Variants in RAI14 observed in about 807,000 individuals in gnomAD.
RAI14 encodes ankycorbin.
A neutral mutation model predicts 115.4 loss-of-function variants in RAI14; 45 were observed. The ratio of observed to expected loss-of-function variants is 0.39; its 90% CI spans 0.31 to 0.50. The LOEUF is 0.50. Ranked by LOEUF, RAI14 falls within the 20% of genes least tolerant of loss-of-function variation. The pLI, the probability that RAI14 is intolerant of heterozygous loss-of-function variation, is 0.85. For synonymous variants in RAI14, 371 were observed against 415.4 expected (o/e 0.89, Z 1.30); for missense variants, 939 against 1,131.2 (o/e 0.83, Z 2.44).
At chr5:34,749,497 G>T (rs577626331) in intron 2 of RAI14, among the ~76,000 whole-genome samples, 1 of 152,218 alleles carries the variant, frequency 6.6e-6, no homozygotes, top group Admixed American at 6.5e-5. Flanking sequence ...CTGGCCAAGG[G>T]CAGACACTGC....
chr5:34,758,041 C>T (rs1748125989), intron 3 of RAI14, among the ~76,000 whole-genome samples: 1 of 152,172 alleles, frequency 6.6e-6, no homozygotes. Flanking sequence ...TAGTACTCTT[C>T]CTTGCCATAA....
At position 34,772,751 on chromosome 5, in the gene RAI14, C is replaced by T. The variant is rs926925862; in HGVS notation, c.167+15153C>T. Among the ~76,000 whole-genome samples, 4 of 152,116 alleles carry T rather than the reference C, an allele frequency of 2.6e-5. No individual in the cohort carries two copies. The East Asian group carries it at 7.7e-4, about 29-fold the overall frequency. On this transcript the variant is annotated intron_variant, in intron 3 of 17. Coordinates refer to ENST00000265109, the MANE Select transcript of RAI14 (RefSeq NM_015577.3). ...GTCCCTCCATCATTCATTCAGGCTG[C>T]CACCCGGCTGCTATTTGAGGCTGCT...
chr5:34,814,357 A>G (rs1057411634), intron 11 of RAI14, among the ~76,000 whole-genome samples: 5 of 152,344 alleles, frequency 3.3e-5, no homozygotes, highest in East Asian at 1.9e-4. Context: ...GATTTTTAAA[A>G]AAGTGATTCT....
intron 1 of RAI14, among the ~76,000 whole-genome samples, chr5:34,673,403 G>A (rs2149858873): frequency 6.6e-6 from 1 of 152,322 alleles, no homozygotes; most frequent in South Asian, 2.1e-4. Flanking sequence ...ATTCAAAGGG[G>A]ACATTGTAGG....
At chr5:34,759,946 G>A (rs935970550) in intron 3 of RAI14, among the ~76,000 whole-genome samples, 3 of 152,120 alleles carry the variant, frequency 2.0e-5, no homozygotes, top group Non-Finnish European at 4.4e-5. Context: ...TACCCTGCTC[G>A]TCCTAGATTA....
chr5:34,724,079 C>T (rs1306178761), intron 2 of RAI14, among the ~76,000 whole-genome samples: 1 of 152,172 alleles, frequency 6.6e-6, no homozygotes, highest in Admixed American at 6.5e-5. Flanking sequence ...TGCGGTGGCG[C>T]AATCTCGGCT....
At chr5:34,765,170 C>A (rs1475754019) in intron 3 of RAI14, among the ~76,000 whole-genome samples, 1 of 152,134 alleles carries the variant, frequency 6.6e-6, no homozygotes, top group African/African-American at 2.4e-5. Context: ...TCAGATATGT[C>A]TTTATCAGCA....
At chr5:34,753,784 T>A (rs752080092) in intron 2 of RAI14, among the ~76,000 whole-genome samples, 3 of 151,936 alleles carry the variant, frequency 2.0e-5, no homozygotes, top group Non-Finnish European at 4.4e-5. Flanking sequence ...CGTGGTGGCA[T>A]GTGCCTGTAG....
intron 1 of RAI14, chr5:34,659,161 T>C (rs1742504958): frequency 6.6e-6 from 1 of 152,240 alleles, no homozygotes; most frequent in South Asian, 2.1e-4. Flanking sequence ...TTGAGATACA[T>C]GTGTTAATAG....
At chr5:34,742,770 T>G (rs569540703) in intron 2 of RAI14, among the ~76,000 whole-genome samples, 1 of 152,254 alleles carries the variant, frequency 6.6e-6, no homozygotes, top group South Asian at 2.1e-4. Flanking sequence ...TTCAAGTGAT[T>G]CTCTTGCCTC....
chr5:34,706,311 C>T (rs1378006802), intron 2 of RAI14, among the ~76,000 whole-genome samples: 1 of 152,110 alleles, frequency 6.6e-6, no homozygotes, highest in Non-Finnish European at 1.5e-5. Context: ...GCAGCCTTGG[C>T]TTTGTGTGAC....
At chr5:34,717,873 A>ACATTCCTC (rs1264119965) in intron 2 of RAI14, among the ~76,000 whole-genome samples, 1 of 128,664 alleles carries the variant, frequency 7.8e-6, no homozygotes, top group African/African-American at 3.1e-5. Flanking sequence ...AACTTGCTCT[A>ACATTCCTC]CATTCCTCAT....
intron 2 of RAI14, among the ~76,000 whole-genome samples, chr5:34,697,615 A>C (rs1314530339): frequency 6.6e-6 from 1 of 152,162 alleles, no homozygotes; most frequent in African/African-American, 2.4e-5. Context: ...TTACCGTCAT[A>C]ATCTTGAGGT....
chr5:34,741,365 C>T (rs967618341), intron 2 of RAI14, among the ~76,000 whole-genome samples: 2 of 152,204 alleles, frequency 1.3e-5, no homozygotes, highest in Admixed American at 6.5e-5. Flanking sequence ...CTCAGGAACC[C>T]AGAATCCAGG....
chr5:34,745,649 C>T (rs1037096898), intron 2 of RAI14, among the ~76,000 whole-genome samples: 7 of 152,198 alleles, frequency 4.6e-5, no homozygotes, highest in Non-Finnish European at 5.9e-5. Context: ...AGCCAACTGC[C>T]CCTTTCTCCC....
At chr5:34,826,280 G>T (rs1265726926) in intron 15 of RAI14, 50 bp from the exon 16 acceptor site, 1 of 1,545,674 alleles carries the variant, frequency 6.5e-7, no homozygotes, top group South Asian at 1.2e-5. Flanking sequence ...ATGAAATTTT[G>T]CTTTGTAGAC....
Position 34,823,184 on chromosome 5 carries a change from T to G in RAI14, c.1342T>G (p.Ser448Ala), listed in dbSNP as rs1358833426. ...AGATCTACAGAAGAGATTAGAGAGC[T>G]CTGAAGCAGAGAGAAAACAGCTACA... is the stretch of plus-strand genomic sequence containing the variant. ...LQDLQKRLES[S>A]EAERKQLQVE... Residue 448 changes from serine to alanine, a missense_variant, in exon 15 of 18, where the codon TCT (serine) becomes GCT (alanine). Physicochemically the swap from Ser to Ala is moderately conservative, Grantham distance 99 (BLOSUM62 1). Coordinates refer to ENST00000265109, the MANE Select transcript of RAI14 (RefSeq NM_015577.3). This position sits in a 1 kb window ranked among gnomAD's most constrained non-coding sequence, Gnocchi z 4.5. The G allele has an allele frequency of 6.2e-7, 1 of 1,613,836 alleles. No individual in the cohort carries two copies. Among genetic ancestry groups the G allele is most frequent in the Non-Finnish European group, 8.5e-7 (1 of 1,179,710 alleles).
At chr5:34,701,743 G>T (rs1262296940) in intron 2 of RAI14, among the ~76,000 whole-genome samples, 1 of 152,014 alleles carries the variant, frequency 6.6e-6, no homozygotes, top group Non-Finnish European at 1.5e-5. Flanking sequence ...TGAGGGCTGT[G>T]CACAGGTCAT....
At chr5:34,712,913 A>G (rs73072566) in intron 2 of RAI14, among the ~76,000 whole-genome samples, 2,101 of 152,212 alleles carry the variant, frequency 0.014, 42 homozygotes, top group African/African-American at 0.046. Flanking sequence ...GAAGAATAGA[A>G]CAACCTTGGA....
Sources: allele counts gnomAD v4.1 joint callset (sites outside exome capture counted in the v4.1 genomes callset), GRCh38; gene constraint gnomAD v4.1.1; non-coding constraint Gnocchi (gnomAD v3.1); transcripts MANE v1.5; gene names NCBI Gene and HGNC (gene_info 2026-07-23, HGNC 2026-07-21).